The following WDR37 variants were observed in gnomAD, a reference collection of about 807,000 sequenced individuals.
WDR37 encodes WD repeat domain 37, also known as WD repeat-containing protein 37.
Under a neutral mutation model 62.9 loss-of-function variants are expected in WDR37, and 19 were observed. That is an observed-to-expected ratio of 0.30 (90% confidence interval 0.21 to 0.44). The LOEUF is 0.44. WDR37 is among the 20% of genes least tolerant of loss of function. The pLI, the probability that WDR37 is intolerant of heterozygous loss-of-function variation, is 1.00. For synonymous variants in WDR37, 250 were observed against 260.9 expected (o/e 0.96, Z 0.40); for missense variants, 474 against 657.6 (o/e 0.72, Z 3.05).
At chr10:1,111,971 G>A (rs1269957409) in intron 11 of WDR37, among the ~76,000 whole-genome samples, 1 of 151,498 alleles carries the variant, frequency 6.6e-6, no homozygotes, top group Non-Finnish European at 1.5e-5. Flanking sequence ...GTGCAATCTC[G>A]GCTCACTGCA....
At chr10:1,077,802 C>A in intron 2 of WDR37, 105 bp from the exon 3 acceptor site, 1 of 837,194 alleles carries the variant, frequency 1.2e-6, no homozygotes. Context: ...TGTAATAATA[C>A]AAAATAAGAG....
intron 7 of WDR37, among the ~76,000 whole-genome samples, chr10:1,088,227 G>A (rs931393055): frequency 1.3e-5 from 2 of 152,174 alleles, no homozygotes; most frequent in Admixed American, 1.3e-4. Context: ...CTTGTCATTT[G>A]TGTGTTCACT....
At chr10:1,067,093 T>A (rs538999411) in intron 1 of WDR37, among the ~76,000 whole-genome samples, 3 of 152,220 alleles carry the variant, frequency 2.0e-5, no homozygotes, top group East Asian at 3.9e-4. Flanking sequence ...GAAGGATAAA[T>A]ATGTAGATCG....
At chr10:1,061,959 C>T (rs1337882990) in intron 1 of WDR37, among the ~76,000 whole-genome samples, 1 of 151,820 alleles carries the variant, frequency 6.6e-6, no homozygotes, top group Non-Finnish European at 1.5e-5. Context: ...TGCGGATATT[C>T]CAAAATCTGA....
chr10:1,089,314 G>A (rs1177114598), intron 7 of WDR37, among the ~76,000 whole-genome samples: 7 of 152,062 alleles, frequency 4.6e-5, no homozygotes, highest in South Asian at 2.1e-4. Flanking sequence ...CCCTCGCTCC[G>A]GCTGGTCTCT....
chr10:1,108,304 C>T (rs115148198), intron 11 of WDR37, among the ~76,000 whole-genome samples: 2,008 of 152,226 alleles, frequency 0.013, 42 homozygotes, highest in African/African-American at 0.046. Flanking sequence ...TAGAATGGTC[C>T]TTCCCCCATT....
Position 1,072,915 on chromosome 10 carries a change from C to G in WDR37, c.138+622C>G, listed in dbSNP as rs1449535120. On this transcript the variant is annotated intron_variant, in intron 2 of 13. Coordinates refer to ENST00000263150, the MANE Select transcript of WDR37 (RefSeq NM_014023.4). ...CTGGGTTTTCTGTCTCTAACAGTCT[C>G]AAGAAAAGAAGAGTATCATATCCTT... Among the ~76,000 whole-genome samples the G allele has an allele frequency of 2.0e-5, 3 of 152,290 alleles. No individual in the cohort carries two copies. In the East Asian group the frequency reaches 5.8e-4, roughly 29 times the overall value.
At chr10:1,116,564 G>A (rs1251937586) in intron 11 of WDR37, among the ~76,000 whole-genome samples, 1 of 152,188 alleles carries the variant, frequency 6.6e-6, no homozygotes, top group Non-Finnish European at 1.5e-5. Flanking sequence ...GAAGTGTATA[G>A]ATTTATATAA....
rs183480968 is a variant in WDR37, at chr10:1,089,953, G to A, written c.605-3499G>A. ...CTCTTCCTCCTGGGGACTTGTGTTT[G>A]TGTTTTTCCACTAGGGGATTTTTCT... is the stretch of plus-strand genomic sequence containing the variant. On this transcript the variant is annotated intron_variant, in intron 7 of 13. Transcript: ENST00000263150. 3.3e-3 allele frequency among the ~76,000 whole-genome samples: 506 copies of A among 152,196 alleles called. 1 individual carries two copies. Among genetic ancestry groups the A allele is most frequent in the East Asian group, 5.6e-3 (29 of 5,178 alleles).
At chr10:1,109,810 A>C (rs901330439) in intron 11 of WDR37, among the ~76,000 whole-genome samples, 6 of 152,236 alleles carry the variant, frequency 3.9e-5, no homozygotes, top group Non-Finnish European at 7.3e-5. Flanking sequence ...GTACTTATGA[A>C]GAATGTAGTA....
At chr10:1,094,427 G>A (rs1188154321) in intron 8 of WDR37, among the ~76,000 whole-genome samples, 1 of 152,240 alleles carries the variant, frequency 6.6e-6, no homozygotes, top group Non-Finnish European at 1.5e-5. Context: ...CTTCCAGTGT[G>A]TGGGATGCAG....
In WDR37 at chr10:1,067,449, T is replaced by C. The variant is rs1434788731; in HGVS notation, c.-40-4667T>C. The stretch of plus-strand genomic sequence containing the variant: ...GAAAAAATTATCAACATTAAAGAAG[T>C]GTTGCTTCATGAAAAACTCTTAGAA... On this transcript the variant is annotated intron_variant, in intron 1 of 13. Transcript: ENST00000263150. Among the ~76,000 whole-genome samples the C allele has an allele frequency of 2.0e-5, 3 of 152,188 alleles. No individual in the cohort carries two copies. The East Asian group carries it at 5.8e-4, about 29-fold the overall frequency.
chr10:1,106,162 A>G lies in WDR37; in HGVS notation c.1103+895A>G, dbSNP rs114719009. On this transcript the variant is annotated intron_variant, in intron 11 of 13. Coordinates refer to ENST00000263150, the MANE Select transcript of WDR37 (RefSeq NM_014023.4). ...CCAGTCTGGCCCTGCTCAGTCAATG[A>G]TGAGACCGTCTGCCCAGTCACGGGG... Among the ~76,000 whole-genome samples, 1,128 of 152,154 alleles carry G rather than the reference A, an allele frequency of 7.4e-3. 20 individuals are homozygous for G. Among genetic ancestry groups the G allele is most frequent in the African/African-American group, 0.026 (1,063 of 41,514 alleles).
intron 13 of WDR37, among the ~76,000 whole-genome samples, chr10:1,127,601 C>T (rs1233598365): frequency 6.6e-6 from 1 of 152,064 alleles, no homozygotes; most frequent in Non-Finnish European, 1.5e-5. Flanking sequence ...TGTCACTTCC[C>T]AGCATGAGTT....
At chr10:1,125,393 T>C (rs1835708065) in intron 13 of WDR37, among the ~76,000 whole-genome samples, 2 of 152,084 alleles carry the variant, frequency 1.3e-5, no homozygotes. Flanking sequence ...CTGGCTAATT[T>C]TGTTAGTCAG....
intron 1 of WDR37, among the ~76,000 whole-genome samples, chr10:1,067,012 C>T (rs1290013826): frequency 6.6e-6 from 1 of 152,200 alleles, no homozygotes; most frequent in African/African-American, 2.4e-5. Context: ...CTGGGTCCCT[C>T]CCACAACACA....
At chr10:1,086,167 G>A (rs575780659) in intron 6 of WDR37, 119 bp from the exon 7 acceptor site, 2 of 744,740 alleles carry the variant, frequency 2.7e-6, no homozygotes, top group East Asian at 2.7e-5. Flanking sequence ...AATCAAAGGT[G>A]GAAGAGATAT....
At chr10:1,093,936 C>G (rs915396322) in intron 8 of WDR37, among the ~76,000 whole-genome samples, 35 of 152,162 alleles carry the variant, frequency 2.3e-4, no homozygotes, top group African/African-American at 8.2e-4. Flanking sequence ...ATTTATCTAA[C>G]CCGTGGTAGC....
chr10:1,104,099 G>A (rs1834908744), intron 10 of WDR37, among the ~76,000 whole-genome samples: 1 of 152,214 alleles, frequency 6.6e-6, no homozygotes, highest in Admixed American at 6.5e-5. Context: ...CCATTGCTCT[G>A]TAACAAATTT....
Sources: allele counts gnomAD v4.1 joint callset (sites outside exome capture counted in the v4.1 genomes callset), GRCh38; gene constraint gnomAD v4.1.1; transcripts MANE v1.5; gene names NCBI Gene and HGNC (gene_info 2026-07-23, HGNC 2026-07-21).